PIBF1: variants seen among roughly 807,000 people sequenced by gnomAD.
PIBF1 encodes the protein progesterone-induced-blocking factor 1.
In PIBF1, 90 loss-of-function variants were observed where a neutral mutation model predicts 112.5. The ratio of observed to expected loss-of-function variants is 0.80; its 90% CI spans 0.67 to 0.95. The LOEUF (loss-of-function observed/expected upper bound fraction) is 0.95, where lower values mean the gene tolerates loss of function less well. Among genes scored for constraint, PIBF1 ranks in the 40% least tolerant of loss-of-function variants. The pLI, the probability that PIBF1 is intolerant of heterozygous loss-of-function variation, is 0.00. For synonymous variants in PIBF1, 301 were observed against 288.6 expected (o/e 1.04, Z -0.44); for missense variants, 915 against 852.3 (o/e 1.07, Z -0.92).
chr13:72,851,369 A>G (rs2138304424), intron 9 of PIBF1, among the ~76,000 whole-genome samples: 1 of 152,288 alleles, frequency 6.6e-6, no homozygotes, highest in South Asian at 2.1e-4. Flanking sequence ...TTTCAGAGCA[A>G]AGTTGAGGCC....
At chr13:72,957,775 A>T (rs1013437517) in intron 14 of PIBF1, among the ~76,000 whole-genome samples, 6 of 151,880 alleles carry the variant, frequency 4.0e-5, no homozygotes, top group Non-Finnish European at 4.4e-5. Flanking sequence ...CCTATCTCTA[A>T]AAAAAGAAAA....
chr13:72,923,534 A>G (rs547094248), intron 13 of PIBF1, among the ~76,000 whole-genome samples: 2 of 152,350 alleles, frequency 1.3e-5, no homozygotes, highest in Non-Finnish European at 2.9e-5. Context: ...ACAAAGAAGT[A>G]TTGTATCTAT....
At chr13:72,879,108 G>A (rs2039520681) in intron 10 of PIBF1, among the ~76,000 whole-genome samples, 1 of 152,108 alleles carries the variant, frequency 6.6e-6, no homozygotes, top group Non-Finnish European at 1.5e-5. Flanking sequence ...TACACTGTAG[G>A]TAGATTTGCA....
chr13:72,852,078 G>C (rs2038185930), intron 9 of PIBF1, among the ~76,000 whole-genome samples: 1 of 152,118 alleles, frequency 6.6e-6, no homozygotes, highest in Admixed American at 6.5e-5. Flanking sequence ...ATTCTTCCTG[G>C]ACACAGGATG....
At chr13:72,899,691 A>C (rs1218127988) in intron 11 of PIBF1, among the ~76,000 whole-genome samples, 3 of 152,148 alleles carry the variant, frequency 2.0e-5, no homozygotes, top group Non-Finnish European at 4.4e-5. Context: ...CTGAGAACTG[A>C]AACAAGGCAA....
chr13:72,819,618 G>A (rs2036449095), intron 5 of PIBF1, among the ~76,000 whole-genome samples: 1 of 151,916 alleles, frequency 6.6e-6, no homozygotes, highest in Non-Finnish European at 1.5e-5. Context: ...CCAAGCCTCA[G>A]TTTTTTTCAT....
rs745592161 is a variant in PIBF1, at chr13:72,965,336, A to G, written c.1896A>G (p.Ser632=). Residue 632 remains serine (S), a synonymous_variant, in exon 15 of 18, where the codon TCA becomes TCG. Coordinates refer to ENST00000326291, the MANE Select transcript of PIBF1 (RefSeq NM_006346.4). The part of the protein sequence containing the change: ...TQQPYRYLIE[S]VRQRDSKIDS... ...AGCCTTACAGGTATCTCATTGAATC[A>G]GTGCGTCAGAGAGATTCTAAGATTG... 3.7e-6 allele frequency: 6 copies of G among 1,610,324 alleles called. No individual in the cohort carries two copies. In the Admixed American group the frequency reaches 1.0e-4, roughly 27 times the overall value.
At position 72,795,461 on chromosome 13, in the gene PIBF1, T is replaced by G; in HGVS notation, c.456T>G (p.Val152=). The change falls in exon 4 of 18, where the codon GTT becomes GTG. Residue 152 remains valine, a synonymous_variant. Coordinates refer to ENST00000326291, the MANE Select transcript of PIBF1 (RefSeq NM_006346.4). ...AGCTAAGAGAAAAAGCTGGAGATGT[T>G]CGTCGAAACCTGCGTGACTTTGAGT... ...NLQLREKAGD[V]RRNLRDFELT... is the part of the protein sequence containing the mutation. 6.2e-7 allele frequency: 1 copy of G among 1,610,838 alleles called. No homozygotes were observed. The highest frequency in any genetic ancestry group is 1.3e-5 in the African/African-American group (1 of 74,888).
intron 12 of PIBF1, among the ~76,000 whole-genome samples, chr13:72,910,455 T>G (rs1314688703): frequency 6.6e-6 from 1 of 152,200 alleles, no homozygotes; most frequent in Admixed American, 6.5e-5. Context: ...TATTTCCCTT[T>G]GTCTAAACAA....
Position 72,821,953 on chromosome 13 carries a change from C to T in PIBF1, c.777C>T (p.Tyr259=), listed in dbSNP as rs2036576953. The change falls in exon 6 of 18, where the codon TAC becomes TAT. Residue 259 remains tyrosine (Y), a synonymous_variant. Transcript: ENST00000326291. ...AACAGTTAATTCAGCAAGGTGACTA[C>T]CGTCAAGAGAACTATGATAAAGTCA... is the stretch of plus-strand genomic sequence containing the variant. ...DTKQLIQQGD[Y]RQENYDKVKS... is the part of the protein sequence containing the mutation. 1 of 1,612,206 alleles carries T rather than the reference C, an allele frequency of 6.2e-7. No individual in the cohort carries two copies. The highest frequency in any genetic ancestry group is 8.5e-7 in the Non-Finnish European group (1 of 1,179,000).
chr13:72,805,496 C>T (rs1016852829), intron 5 of PIBF1, among the ~76,000 whole-genome samples: 10 of 152,200 alleles, frequency 6.6e-5, no homozygotes, highest in African/African-American at 2.2e-4. Flanking sequence ...TGACATTATT[C>T]AAAAGATCTT....
chr13:72,808,875 G>A (rs1329762893), intron 5 of PIBF1, among the ~76,000 whole-genome samples: 1 of 152,114 alleles, frequency 6.6e-6, no homozygotes, highest in Non-Finnish European at 1.5e-5. Context: ...CCTAAATGCT[G>A]AAAATGATAG....
intron 6 of PIBF1, among the ~76,000 whole-genome samples, chr13:72,824,163 G>A (rs556182040): frequency 1.2e-4 from 18 of 146,962 alleles, no homozygotes; most frequent in Admixed American, 2.8e-4. Flanking sequence ...ACAGGTGTGC[G>A]CCACCATGCC....
At chr13:72,996,085 A>AGAGG in intron 16 of PIBF1, among the ~76,000 whole-genome samples, 1 of 36,608 alleles carries the variant, frequency 2.7e-5, no homozygotes, top group African/African-American at 8.6e-5. Flanking sequence ...AAAAAAAAAA[A>AGAGG]GCGGGGGGGG....
chr13:72,820,482 C>A (rs758609718), intron 5 of PIBF1, among the ~76,000 whole-genome samples: 1 of 152,052 alleles, frequency 6.6e-6, no homozygotes, highest in Non-Finnish European at 1.5e-5. Flanking sequence ...AAAACTTCAG[C>A]GTAGAACAAG....
chr13:72,818,177 A>G (rs2036379921), intron 5 of PIBF1, among the ~76,000 whole-genome samples: 2 of 152,146 alleles, frequency 1.3e-5, no homozygotes, highest in Admixed American at 1.3e-4. Flanking sequence ...TCAGAGTCAG[A>G]TGATCTTTAC....
chr13:72,825,545 CTGTT>C (rs913340330), intron 6 of PIBF1, among the ~76,000 whole-genome samples: 29 of 152,074 alleles, frequency 1.9e-4, no homozygotes, highest in Non-Finnish European at 3.1e-4. Flanking sequence ...AGAGGACTGA[CTGTT>C]TGGTGGGATC....
rs1010517015 is a variant in PIBF1, at chr13:73,015,862, T to TA, written c.2224-4dup. The TA allele has an allele frequency of 3.2e-6, 5 of 1,550,488 alleles. No homozygotes were observed. Among genetic ancestry groups the TA allele is most frequent in the African/African-American group, 1.4e-5 (1 of 72,552 alleles). On this transcript the variant is annotated splice_region_variant and splice_polypyrimidine_tract_variant and intron_variant, in intron 17 of 17. Transcript: ENST00000326291. ...TTATTGGATTTTCTTTTTCTTTTTT[T>TA]AAACAGACTAAAAAAGAAGCACCTG...
intron 16 of PIBF1, among the ~76,000 whole-genome samples, chr13:72,978,655 T>C (rs1392503523): frequency 1.3e-5 from 2 of 152,200 alleles, no homozygotes; most frequent in African/African-American, 4.8e-5. Context: ...TTTTTTCCTC[T>C]TTCACTTTTG....
Sources: gnomAD v4.1 joint callset for allele counts (sites outside exome capture counted in the v4.1 genomes callset) on GRCh38, gnomAD v4.1.1 for gene constraint, MANE v1.5 for transcripts, NCBI Gene and HGNC (gene_info 2026-07-23, HGNC 2026-07-21) for gene names.